Variants in SBK2 observed in about 807,000 individuals in gnomAD.
SBK2 encodes the protein serine/threonine-protein kinase SBK2.
Under a neutral mutation model 15.9 loss-of-function variants are expected in SBK2, and 18 were observed. The observed-to-expected ratio is 1.13, with a 90% confidence interval of 0.78 to 1.68. SBK2 has a LOEUF of 1.68. Among genes scored for constraint, SBK2 ranks in the 40% most tolerant of loss-of-function variants. SBK2 has a pLI of 0.00. For missense variants in SBK2, 581 were observed against 510.9 expected (o/e 1.14, Z -1.32); for synonymous variants, 284 against 246.8 (o/e 1.15, Z -1.41).
chr19:55,536,753 C>A (rs538133256), intron 1 of SBK2, among the ~76,000 whole-genome samples: 10 of 151,906 alleles, frequency 6.6e-5, no homozygotes, highest in Admixed American at 5.2e-4. Flanking sequence ...GCCTGGGGTC[C>A]CACTTTCACA....
Position 55,530,329 on chromosome 19 carries a change from G to A in SBK2, c.457-6C>T. ...GCGGGCTGCGGGAGGCCCACCTGCG[G>A]GGAGAGGGGTCAGGGCCCAGTGCCC... On this transcript the variant is annotated splice_region_variant and splice_polypyrimidine_tract_variant and intron_variant, in intron 3 of 3. Transcript: ENST00000413299. The A allele has an allele frequency of 7.1e-7, 1 of 1,402,316 alleles. No individual in the cohort carries two copies. Among genetic ancestry groups the A allele is most frequent in the Admixed American group, 3.2e-5 (1 of 31,072 alleles). The allele number at this position is 1,402,316 out of a possible 1,614,324, so 86.9% of individuals were successfully genotyped here.
intron 2 of SBK2, among the ~76,000 whole-genome samples, chr19:55,532,771 C>G (rs1826213017): frequency 1.3e-5 from 2 of 152,032 alleles, no homozygotes; most frequent in South Asian, 4.1e-4. Context: ...GCTAATTGCA[C>G]ACCAAGCTGA....
In SBK2 at chr19:55,530,101, CG is replaced by C. The variant is rs1302300999; in HGVS notation, c.678del (p.Glu227SerfsTer92). 5 of 1,450,286 alleles carry C rather than the reference CG, an allele frequency of 3.4e-6. No individual in the cohort carries two copies. The highest frequency in any genetic ancestry group is 4.5e-6 in the Non-Finnish European group (5 of 1,106,498). The allele number at this position is 1,450,286 out of a possible 1,614,324, so 89.8% of individuals were successfully genotyped here. On this transcript the variant is annotated frameshift_variant, in exon 4 of 4. Transcript: ENST00000413299. LOFTEE classifies it low-confidence loss of function (END_TRUNC). The part of the protein sequence containing the change: ...LAGPPIPYTA[P>X]ELCAPPPLPE... ...GGGAGCGGCGGGGGCGCGCAGAGCT[CG>C]GGGGCCGTGTAGGGGATGGGCGGCC...
chr19:55,536,040 A>G lies in SBK2; in HGVS notation c.253+2T>C. On this transcript the variant is annotated splice_donor_variant, in intron 2 of 3. Coordinates refer to ENST00000413299, the MANE Select transcript of SBK2 (RefSeq NM_001370096.2). LOFTEE classifies it high-confidence loss of function. ...GCCACCTCTGGCCCCACAGCCTCGT[A>G]CCTTTCTGACGATGGGTGACCAGAA... 6.8e-7 allele frequency: 1 copy of G among 1,465,730 alleles called. No individual in the cohort carries two copies. The highest frequency in any genetic ancestry group is 2.6e-5 in the East Asian group (1 of 37,888). The allele number at this position is 1,465,730 out of a possible 1,614,324, so 90.8% of individuals were successfully genotyped here.
Position 55,529,669 on chromosome 19 carries a change from A to G in SBK2, c.*64T>C. ...ATGAAAACACACCGAGGAGACACCA[A>G]AAGCCGTTGGCCTTGGGGGCCTCGG... On this transcript the variant is annotated 3_prime_UTR_variant, in exon 4 of 4. Coordinates refer to ENST00000413299, the MANE Select transcript of SBK2 (RefSeq NM_001370096.2). The G allele has an allele frequency of 1.9e-6, 3 of 1,553,188 alleles. No homozygotes were observed. The highest frequency in any genetic ancestry group is 1.7e-6 in the Non-Finnish European group (2 of 1,157,796).
chr19:55,530,657 G>T (rs1308576992), intron 3 of SBK2, among the ~76,000 whole-genome samples: 3 of 24,344 alleles, frequency 1.2e-4, no homozygotes, highest in Non-Finnish European at 5.7e-4. Flanking sequence ...TGTGGCCTAG[G>T]GTGACCCCGT....
At position 55,529,932 on chromosome 19, in the gene SBK2, G is replaced by A. The variant is rs1172480179; in HGVS notation, c.848C>T (p.Ser283Leu). The stretch of plus-strand genomic sequence containing the variant: ...CTGAGGGCGGTCCCGGGGCTGGCCC[G>A]ACGCCTGCCAGATGAGGAAGTCCTC... ...FYEDFLIWQA[S>L]GQPRDRPQPW... The change falls in exon 4 of 4, where the codon TCG becomes TTG. Residue 283 changes from serine to leucine, a missense_variant. Transcript: ENST00000413299. The A allele has an allele frequency of 9.2e-6, 14 of 1,527,932 alleles. No individual in the cohort carries two copies. Among genetic ancestry groups the A allele is most frequent in the East Asian group, 2.4e-5 (1 of 41,292 alleles). The allele number at this position is 1,527,932 out of a possible 1,614,324, so 94.6% of individuals were successfully genotyped here.
intron 2 of SBK2, 73 bp from the exon 3 acceptor site, chr19:55,531,418 T>C (rs1156326827): frequency 8.3e-7 from 1 of 1,208,106 alleles, no homozygotes; most frequent in East Asian, 2.6e-5. Context: ...TCTGTTCCCC[T>C]GTGGTCCCCT....
At chr19:55,535,899 GAACAAAA>G (rs1039426591) in intron 2 of SBK2, 136 bp downstream of exon 2, 15 of 833,792 alleles carry the variant, frequency 1.8e-5, no homozygotes, top group Non-Finnish European at 2.5e-5. Flanking sequence ...CCAACCAAAA[GAACAAAA>G]AACAAAAAAC....
At chr19:55,534,897 C>T (rs925855619) in intron 2 of SBK2, among the ~76,000 whole-genome samples, 8 of 151,632 alleles carry the variant, frequency 5.3e-5, no homozygotes, top group African/African-American at 1.7e-4. Flanking sequence ...TGGTGGCATG[C>T]ACCTGTAATC....
chr19:55,532,295 C>CTTTT (rs540857379), intron 2 of SBK2, among the ~76,000 whole-genome samples: 7 of 77,076 alleles, frequency 9.1e-5, no homozygotes, highest in East Asian at 3.5e-4. Flanking sequence ...TGATGTCTTC[C>CTTTT]TTTTTTTTTT....
rs543624026 is a variant in SBK2, at chr19:55,528,745, C to T, written c.*988G>A. ...AGAGAGGACGGCGGGAGGACAGGGACGGAGGGGAGGCTGCGCCACACCAGA... is the reference window on the plus strand; with the variant it reads ...AGAGAGGACGGCGGGAGGACAGGGATGGAGGGGAGGCTGCGCCACACCAGA... On this transcript the variant is annotated 3_prime_UTR_variant, in exon 4 of 4. Coordinates refer to ENST00000413299, the MANE Select transcript of SBK2 (RefSeq NM_001370096.2). Among the ~76,000 whole-genome samples, 1 of 152,222 alleles carries T rather than the reference C, an allele frequency of 6.6e-6. No homozygotes were observed. Among genetic ancestry groups the T allele is most frequent in the East Asian group, 1.9e-4 (1 of 5,182 alleles).
Position 55,529,812 on chromosome 19 carries a change from TC to T in SBK2, c.967del (p.Glu323SerfsTer82). On this transcript the variant is annotated frameshift_variant, in exon 4 of 4. Transcript: ENST00000413299. LOFTEE classifies it low-confidence loss of function (END_TRUNC). ...CTGCCTCCAGGGGCGCCCCAGGTGC[TC>T]CCTGATGGCGATCACAGCGCTCCTC... Reference protein sequence around the residue: ...RRRSAVIAIREHLGRPWRQRE... With the variant: ...RRRSAVIAIRXHLGRPWRQRE... The T allele has an allele frequency of 6.2e-7, 1 of 1,604,470 alleles. No individual in the cohort carries two copies. The highest frequency in any genetic ancestry group is 8.5e-7 in the Non-Finnish European group (1 of 1,179,560).
At chr19:55,533,006 C>T (rs746150776) in intron 2 of SBK2, among the ~76,000 whole-genome samples, 8 of 152,104 alleles carry the variant, frequency 5.3e-5, no homozygotes, top group Non-Finnish European at 8.8e-5. Context: ...CAACCTTCCC[C>T]CTCACAAGGC....
At chr19:55,533,477 A>G (rs545698972) in intron 2 of SBK2, among the ~76,000 whole-genome samples, 17 of 151,424 alleles carry the variant, frequency 1.1e-4, no homozygotes, top group Non-Finnish European at 2.5e-4. Flanking sequence ...GTGAAATCCC[A>G]TCTCTAGTAA....
At position 55,531,172 on chromosome 19, in the gene SBK2, C is replaced by T. The variant is rs928879758; in HGVS notation, c.427G>A (p.Gly143Arg). The T allele has an allele frequency of 3.1e-6, 5 of 1,612,502 alleles. No homozygotes were observed. The highest frequency in any genetic ancestry group is 3.4e-6 in the Non-Finnish European group (4 of 1,179,954). ...GGCTGGATGAAGGCCATGAGGTCCCCGTGCAGGACGGGCTCCGTCAGGAAG... is the reference window on the plus strand; with the variant it reads ...GGCTGGATGAAGGCCATGAGGTCCCTGTGCAGGACGGGCTCCGTCAGGAAG... ...YSFLTEPVLH[G>R]DLMAFIQPKV... The change falls in exon 3 of 4, where the codon GGG becomes AGG. Residue 143 changes from glycine (G) to arginine (R), a missense_variant. Coordinates refer to ENST00000413299, the MANE Select transcript of SBK2 (RefSeq NM_001370096.2).
At position 55,536,235 on chromosome 19, in the gene SBK2, C is replaced by T; in HGVS notation, c.60G>A (p.Glu20=). The T allele has an allele frequency of 6.2e-7, 1 of 1,603,886 alleles. No individual in the cohort carries two copies. The highest frequency in any genetic ancestry group is 1.1e-5 in the South Asian group (1 of 89,360). Residue 20 remains glutamate (E), a synonymous_variant, in exon 2 of 4, where the codon GAG becomes GAA. Coordinates refer to ENST00000413299, the MANE Select transcript of SBK2 (RefSeq NM_001370096.2). ...ATGTCAGGCCGCCCAGACCCTCCTC[C>T]TCGCTGTCCTCCGAAGCCCCTGCCT... is the stretch of plus-strand genomic sequence containing the variant. ...PAEAGASEDS[E]EEGLGGLTLE...
chr19:55,530,372 A>T, intron 3 of SBK2, 49 bp from the exon 4 acceptor site: 2 of 1,388,438 alleles, frequency 1.4e-6, no homozygotes, highest in Non-Finnish European at 1.9e-6. Context: ...ACGGAAGGCA[A>T]CCGAGACCCA....
rs1324797089 is a variant in SBK2, at chr19:55,530,175, G to T, written c.605C>A (p.Thr202Asn). The part of the protein sequence containing the change: ...CDPACRRFKL[T>N]DFGHTRPRGT... ...GCGAGGCCTCGTGTGGCCGAAGTCGGTCAGCTTGAAGCGCCGGCAGGCCGG... is the reference window on the plus strand; with the variant it reads ...GCGAGGCCTCGTGTGGCCGAAGTCGTTCAGCTTGAAGCGCCGGCAGGCCGG... Residue 202 changes from threonine to asparagine, a missense_variant, in exon 4 of 4, where the codon ACC becomes AAC. Transcript: ENST00000413299. 1.3e-6 allele frequency: 2 copies of T among 1,528,702 alleles called. No homozygotes were observed. The highest frequency in any genetic ancestry group is 4.2e-5 in the Admixed American group (2 of 48,102). The allele number at this position is 1,528,702 out of a possible 1,614,324, so 94.7% of individuals were successfully genotyped here.
Sources: gnomAD v4.1 joint callset for allele counts (sites outside exome capture counted in the v4.1 genomes callset) on GRCh38, gnomAD v4.1.1 for gene constraint, MANE v1.5 for transcripts, NCBI Gene and HGNC (gene_info 2026-07-23, HGNC 2026-07-21) for gene names.